TAS2R1: variants seen among roughly 807,000 people sequenced by gnomAD.
TAS2R1 encodes the protein taste receptor type 2 member 1.
For synonymous variants in TAS2R1, 141 were observed against 134.2 expected (o/e 1.05, Z -0.35); for missense variants, 370 against 353.4 (o/e 1.05, Z -0.38).
intron 1 of TAS2R1, among the ~76,000 whole-genome samples, chr5:9,709,398 AAATCTACCCT>A (rs1389304560): frequency 1.3e-5 from 2 of 152,084 alleles, no homozygotes; most frequent in African/African-American, 4.8e-5. Flanking sequence ...TCCCTGCCTC[AAATCTACCCT>A]CCATACCAAT....
chr5:9,720,447 C>T, the TAS2R1 span, among the ~76,000 whole-genome samples: 376 of 152,352 alleles, frequency 2.5e-3, 2 homozygotes, highest in Middle Eastern at 6.8e-3. Context: ...GAATGTACCT[C>T]TGAAGGCCTA....
chr5:9,666,737 G>T (rs542234915), intron 1 of TAS2R1, among the ~76,000 whole-genome samples: 1 of 152,064 alleles, frequency 6.6e-6, no homozygotes, highest in East Asian at 1.9e-4. Context: ...AAACAAGAAG[G>T]CAAAACTAAC....
the TAS2R1 span, among the ~76,000 whole-genome samples, chr5:9,895,187 A>C: frequency 0.092 from 14,032 of 152,188 alleles, 638 homozygotes; most frequent in Non-Finnish European, 0.096. Flanking sequence ...GGAAGGGATT[A>C]AGGCAGTATG....
At chr5:9,664,329 T>C (rs1335666271) in intron 1 of TAS2R1, among the ~76,000 whole-genome samples, 1 of 152,242 alleles carries the variant, frequency 6.6e-6, no homozygotes, top group Non-Finnish European at 1.5e-5. Flanking sequence ...TGTAAATTTT[T>C]AATCGTGTTT....
chr5:9,856,203 G>A, the TAS2R1 span, among the ~76,000 whole-genome samples: 6 of 152,210 alleles, frequency 3.9e-5, no homozygotes, highest in Middle Eastern at 3.4e-3. Context: ...AAGGAAAGCT[G>A]AAATCCAGAA....
At chr5:9,805,929 T>A in the TAS2R1 span, among the ~76,000 whole-genome samples, 3 of 152,014 alleles carry the variant, frequency 2.0e-5, no homozygotes, top group African/African-American at 7.2e-5. Context: ...ATTAAGGACA[T>A]CCAGGTCAGT....
chr5:9,786,460 G>A, the TAS2R1 span, among the ~76,000 whole-genome samples: 24 of 152,178 alleles, frequency 1.6e-4, no homozygotes, highest in Admixed American at 6.5e-5. Context: ...AATTTCAAAG[G>A]TGAGTAAGTG....
the TAS2R1 span, among the ~76,000 whole-genome samples, chr5:9,901,372 C>CATCA: frequency 6.6e-6 from 1 of 151,958 alleles, no homozygotes; most frequent in Non-Finnish European, 1.5e-5. Context: ...GAGAGAAAAC[C>CATCA]ATCAGCCTAG....
At chr5:9,767,019 T>C in the TAS2R1 span, among the ~76,000 whole-genome samples, 1 of 152,066 alleles carries the variant, frequency 6.6e-6, no homozygotes, top group Non-Finnish European at 1.5e-5. Flanking sequence ...CACCTACACA[T>C]GGATGGAGCC....
intron 2 of TAS2R1, among the ~76,000 whole-genome samples, chr5:9,643,889 G>A (rs1282323332): frequency 6.6e-6 from 1 of 152,160 alleles, no homozygotes; most frequent in African/African-American, 2.4e-5. Flanking sequence ...GACCTCCCCA[G>A]AGAGGAGGTG....
At chr5:9,858,179 G>T in the TAS2R1 span, among the ~76,000 whole-genome samples, 1 of 152,042 alleles carries the variant, frequency 6.6e-6, no homozygotes, top group Non-Finnish European at 1.5e-5. Context: ...GCTGAGGCAG[G>T]CCTGAAGACT....
chr5:9,812,714 G>C, the TAS2R1 span, among the ~76,000 whole-genome samples: 4 of 152,066 alleles, frequency 2.6e-5, no homozygotes, highest in Non-Finnish European at 5.9e-5. Flanking sequence ...CAGTCACCAC[G>C]GTAGGCGCTG....
chr5:9,839,717 G>T, the TAS2R1 span, among the ~76,000 whole-genome samples: 1 of 152,136 alleles, frequency 6.6e-6, no homozygotes, highest in East Asian at 1.9e-4. Context: ...CAACAGACGG[G>T]TAGTTTTTGC....
the TAS2R1 span, among the ~76,000 whole-genome samples, chr5:9,894,560 C>A: frequency 1.3e-5 from 2 of 152,176 alleles, no homozygotes; most frequent in East Asian, 3.8e-4. Flanking sequence ...CCTGCAGACA[C>A]CTTGATCTTG....
chr5:9,647,980 G>A (rs1444471001), intron 2 of TAS2R1, among the ~76,000 whole-genome samples: 1 of 152,056 alleles, frequency 6.6e-6, no homozygotes, highest in Non-Finnish European at 1.5e-5. Context: ...GATTCACAAA[G>A]CTTACTTCCT....
chr5:9,832,663 G>A, the TAS2R1 span, among the ~76,000 whole-genome samples: 1 of 152,058 alleles, frequency 6.6e-6, no homozygotes, highest in South Asian at 2.1e-4. Context: ...CAACTATGTG[G>A]CAGCTCATTC....
the TAS2R1 span, among the ~76,000 whole-genome samples, chr5:9,760,578 A>G: frequency 6.6e-6 from 1 of 152,226 alleles, no homozygotes; most frequent in African/African-American, 2.4e-5. Flanking sequence ...TCAACAGGCT[A>G]AATAAGAAAA....
the TAS2R1 span, among the ~76,000 whole-genome samples, chr5:9,861,037 G>GTTTTTTTTGTTTTTTTTTTTTTTTTTTTT: frequency 1.1e-5 from 1 of 88,612 alleles, no homozygotes; most frequent in Non-Finnish European, 2.2e-5. Context: ...GGAAGATGAG[G>GTTTTTTTTGTTTTTTTTTTTTTTTTTTTT]TTTTTTTTTT....
the TAS2R1 span, among the ~76,000 whole-genome samples, chr5:9,764,993 A>AT: frequency 6.6e-6 from 1 of 152,212 alleles, no homozygotes; most frequent in East Asian, 1.9e-4. Context: ...AAGTGATAAA[A>AT]AGTAGAGCAC....
Sources: allele counts gnomAD v4.1 joint callset (sites outside exome capture counted in the v4.1 genomes callset), GRCh38; gene constraint gnomAD v4.1.1; transcripts MANE v1.5; gene names NCBI Gene and HGNC (gene_info 2026-07-23, HGNC 2026-07-21).